The following RBL2 variants were observed in gnomAD, a reference collection of about 807,000 sequenced individuals.
The protein encoded by RBL2 is RB transcriptional corepressor like 2.
Under a neutral mutation model 126.0 loss-of-function variants are expected in RBL2, and 56 were observed. The ratio of observed to expected loss-of-function variants is 0.44; its 90% CI spans 0.36 to 0.56. The LOEUF is 0.56. Among genes scored for constraint, RBL2 ranks in the 20% least tolerant of loss-of-function variants. The pLI, the probability that RBL2 is intolerant of heterozygous loss-of-function variation, is 0.00. For synonymous variants in RBL2, 454 were observed against 478.5 expected, an observed-to-expected ratio of 0.95 and a Z score of 0.67; for missense variants, 1,229 against 1,398.2, an observed-to-expected ratio of 0.88 and a Z score of 1.93.
At chr16:53,435,172 T>G (rs770601801) in intron 1 of RBL2, among the ~76,000 whole-genome samples, 1 of 152,074 alleles carries the variant, frequency 6.6e-6, no homozygotes, top group East Asian at 1.9e-4. Flanking sequence ...CTTGCCCTTA[T>G]TTGCACCGCG....
rs528403419 is a variant in RBL2, at chr16:53,487,614, A to G, written c.3250-2516A>G. On this transcript the variant is annotated intron_variant, in intron 21 of 21. Coordinates refer to ENST00000262133, the MANE Select transcript of RBL2 (RefSeq NM_005611.4). ...TAGAAGACAACAGAAAATCTTAGTG[A>G]ACATGTTTTATGGGAAAATTTTATA... 5 of 152,344 alleles carry G rather than the reference A, an allele frequency of 3.3e-5. No individual in the cohort carries two copies. The East Asian group carries it at 9.6e-4, about 29-fold the overall frequency. 9.4% of individuals were successfully genotyped at this position (152,344 alleles called of 1,614,324 possible).
intron 14 of RBL2, among the ~76,000 whole-genome samples, chr16:53,468,293 C>T (rs1411383423): frequency 6.6e-6 from 1 of 152,114 alleles, no homozygotes; most frequent in East Asian, 1.9e-4. Context: ...AATCCCAGCA[C>T]TGTGGGAGAC....
chr16:53,451,679 C>G (rs540728293), intron 4 of RBL2, 24 bp from the exon 5 acceptor site: 1 of 1,609,654 alleles, frequency 6.2e-7, no homozygotes, highest in East Asian at 2.2e-5. Flanking sequence ...TAATTTAACT[C>G]TGTAACTGCT....
At chr16:53,455,929 G>A (rs995412389) in intron 8 of RBL2, among the ~76,000 whole-genome samples, 2 of 152,118 alleles carry the variant, frequency 1.3e-5, no homozygotes, top group African/African-American at 4.8e-5. Context: ...TAGCACATTG[G>A]GAGACTGAGG....
chr16:53,445,437 T>C (rs1292096644), intron 3 of RBL2, among the ~76,000 whole-genome samples: 1 of 152,218 alleles, frequency 6.6e-6, no homozygotes, highest in Non-Finnish European at 1.5e-5. Flanking sequence ...GTATAGCACT[T>C]ACTGAGCATT....
Position 53,459,601 on chromosome 16 carries a change from C to T in RBL2, c.1330C>T (p.Leu444=), listed in dbSNP as rs2058200560. The T allele has an allele frequency of 2.6e-6, 4 of 1,555,568 alleles. No individual in the cohort carries two copies. In the South Asian group the frequency reaches 3.6e-5, roughly 14 times the overall value. The change falls in exon 9 of 22, where the codon CTG becomes TTG. Residue 444 remains leucine, a synonymous_variant. Coordinates refer to ENST00000262133, the MANE Select transcript of RBL2 (RefSeq NM_005611.4). ...TGLRNAPSEK[L]EQILRTCSRD... ...CCTCAGGAATGCACCAAGTGAGAAA[C>T]TGGAACAGATTCTCAGGTTAGTTTG... is the stretch of plus-strand genomic sequence containing the variant.
At chr16:53,486,528 C>G (rs1372777733) in intron 21 of RBL2, among the ~76,000 whole-genome samples, 2 of 152,232 alleles carry the variant, frequency 1.3e-5, no homozygotes, top group African/African-American at 2.4e-5. Context: ...TATAGAAACT[C>G]TCCCAAAAAG....
intron 21 of RBL2, chr16:53,488,923 T>G (rs966227798): frequency 2.0e-5 from 3 of 152,162 alleles, no homozygotes; most frequent in African/African-American, 7.2e-5. Flanking sequence ...CTTCAGATGC[T>G]TAAGATTTTG....
chr16:53,457,142 C>A (rs571134951), intron 8 of RBL2, among the ~76,000 whole-genome samples: 85 of 151,592 alleles, frequency 5.6e-4, no homozygotes, highest in Non-Finnish European at 1.1e-3. Flanking sequence ...TTTTAAGCAT[C>A]CTAGTAGAGA....
intron 1 of RBL2, among the ~76,000 whole-genome samples, chr16:53,436,070 A>G (rs2057955703): frequency 6.6e-6 from 1 of 152,242 alleles, no homozygotes; most frequent in African/African-American, 2.4e-5. Flanking sequence ...TTGTATATTT[A>G]CATGATCTGG....
chr16:53,482,547 C>A (rs1340261705), intron 21 of RBL2, among the ~76,000 whole-genome samples: 2 of 152,198 alleles, frequency 1.3e-5, no homozygotes, highest in African/African-American at 4.8e-5. Context: ...TTGTGGCTCA[C>A]ACCTGTAATC....
At chr16:53,477,315 CTTA>C (rs1357088736) in intron 17 of RBL2, among the ~76,000 whole-genome samples, 1 of 152,046 alleles carries the variant, frequency 6.6e-6, no homozygotes, top group East Asian at 1.9e-4. Flanking sequence ...CTCTAGTAAC[CTTA>C]TTAATAATTT....
chr16:53,466,777 A>G (rs2058276472), intron 13 of RBL2: 1 of 273,264 alleles, frequency 3.7e-6, no homozygotes, highest in African/African-American at 2.3e-5. Flanking sequence ...AACAGGGTCC[A>G]TGGCCCAGGG....
Position 53,471,342 on chromosome 16 carries a change from AC to A in RBL2, c.2703+422del, listed in dbSNP as rs201565105. 6.1e-3 allele frequency among the ~76,000 whole-genome samples: 927 copies of A among 152,340 alleles called. 9 individuals carry two copies. The highest frequency in any genetic ancestry group is 0.021 in the African/African-American group (890 of 41,578). On this transcript the variant is annotated intron_variant, in intron 17 of 21. Transcript: ENST00000262133. The stretch of plus-strand genomic sequence containing the variant: ...GCTAGATTGTTTTCCAAAGTACTGT[AC>A]CATTTTACACTTACACAGCAGTATA...
At chr16:53,444,189 G>A (rs868551552) in intron 3 of RBL2, among the ~76,000 whole-genome samples, 2 of 151,978 alleles carry the variant, frequency 1.3e-5, no homozygotes, top group Admixed American at 1.3e-4. Context: ...CAGAAGTTGT[G>A]AGCCAAGATC....
In RBL2 at chr16:53,446,142, C is replaced by G. The variant is rs74017233; in HGVS notation, c.573-900C>G. 6.3e-3 allele frequency among the ~76,000 whole-genome samples: 959 copies of G among 151,894 alleles called. 7 individuals carry two copies. Among genetic ancestry groups the G allele is most frequent in the Middle Eastern group, 0.041 (12 of 294 alleles). The stretch of plus-strand genomic sequence containing the variant: ...AATTAAGAGTAGCTTAAGTGTTAAG[C>G]TAAAAAAAATTGAATTTTATTTTGG... On this transcript the variant is annotated intron_variant, in intron 3 of 21. Transcript: ENST00000262133.
intron 17 of RBL2, among the ~76,000 whole-genome samples, chr16:53,476,814 G>A (rs1307862718): frequency 6.6e-6 from 1 of 152,128 alleles, no homozygotes; most frequent in Non-Finnish European, 1.5e-5. Flanking sequence ...TATGGTTGCT[G>A]TCTGTATACC....
At chr16:53,457,472 T>G (rs918843156) in intron 8 of RBL2, among the ~76,000 whole-genome samples, 13 of 151,778 alleles carry the variant, frequency 8.6e-5, no homozygotes, top group African/African-American at 2.9e-4. Context: ...TCTTGGCTAG[T>G]CTGGTCTTGA....
intron 14 of RBL2, among the ~76,000 whole-genome samples, chr16:53,467,839 A>G (rs533817430): frequency 2.6e-5 from 4 of 152,376 alleles, no homozygotes; most frequent in African/African-American, 9.6e-5. Context: ...AGGCAAATAC[A>G]TATTACTTTT....
Sources: gnomAD v4.1 joint callset for allele counts (sites outside exome capture counted in the v4.1 genomes callset) on GRCh38, gnomAD v4.1.1 for gene constraint, MANE v1.5 for transcripts, NCBI Gene and HGNC (gene_info 2026-07-23, HGNC 2026-07-21) for gene names.